The following UBASH3B variants were observed in gnomAD, a reference collection of about 807,000 sequenced individuals.
UBASH3B encodes the protein ubiquitin-associated and SH3 domain-containing protein B.
In UBASH3B, 37 loss-of-function variants were observed where a neutral mutation model predicts 83.4. The ratio of observed to expected loss-of-function variants is 0.44; its 90% confidence interval spans 0.34 to 0.58. The LOEUF (loss-of-function observed/expected upper bound fraction) is 0.58. Ranked by LOEUF, UBASH3B falls within the 20% of genes least tolerant of loss-of-function variation. The probability of loss-of-function intolerance (pLI) is 0.01; values close to 1 mark genes in which losing one functional copy is unlikely to be tolerated. For synonymous variants in UBASH3B, 304 were observed against 318.3 expected (o/e 0.96, Z 0.48); for missense variants, 657 against 827.2 (o/e 0.79, Z 2.52).
intron 1 of UBASH3B, among the ~76,000 whole-genome samples, chr11:122,676,490 G>A (rs1392525837): frequency 2.6e-5 from 4 of 152,006 alleles, no homozygotes; most frequent in African/African-American, 4.8e-5. Context: ...GCAGTGAGCC[G>A]AGATTGCGCC....
At chr11:122,744,873 C>CTGTGTGTGTGTGTGTGTGTG (rs544992534) in intron 1 of UBASH3B, among the ~76,000 whole-genome samples, 4,503 of 139,104 alleles carry the variant, frequency 0.032, 73 homozygotes, top group East Asian at 0.06. Context: ...ATGTGTGACT[C>CTGTGTGTGTGTGTGTGTGTG]TGTGTGTGTG....
intron 6 of UBASH3B, among the ~76,000 whole-genome samples, chr11:122,794,394 A>T (rs527394143): frequency 7.0e-4 from 106 of 152,100 alleles, no homozygotes; most frequent in African/African-American, 2.4e-3. Flanking sequence ...TTTAGTAGAG[A>T]TGGGATTTCG....
chr11:122,678,346 C>T (rs554209213), intron 1 of UBASH3B, among the ~76,000 whole-genome samples: 1 of 152,274 alleles, frequency 6.6e-6, no homozygotes, highest in South Asian at 2.1e-4. Flanking sequence ...ACAATGGGGA[C>T]CATCCTCTCT....
intron 2 of UBASH3B, among the ~76,000 whole-genome samples, 158 bp downstream of exon 2, chr11:122,776,430 C>T (rs1186237119): frequency 6.6e-6 from 1 of 152,194 alleles, no homozygotes; most frequent in Non-Finnish European, 1.5e-5. Flanking sequence ...ATTGCCTCCT[C>T]TGCCCTGGCC....
intron 1 of UBASH3B, among the ~76,000 whole-genome samples, chr11:122,684,751 C>T (rs1384325224): frequency 6.6e-6 from 1 of 152,148 alleles, no homozygotes; most frequent in Non-Finnish European, 1.5e-5. Context: ...GCATGCACCA[C>T]CACGCCCAGC....
intron 1 of UBASH3B, among the ~76,000 whole-genome samples, chr11:122,710,047 T>C (rs1430072815): frequency 3.3e-5 from 5 of 151,272 alleles, no homozygotes; most frequent in African/African-American, 4.9e-5. Flanking sequence ...TCCTAGCTAC[T>C]TGGGAGGCTG....
At chr11:122,769,397 C>G (rs1330985500) in intron 1 of UBASH3B, among the ~76,000 whole-genome samples, 1 of 152,206 alleles carries the variant, frequency 6.6e-6, no homozygotes, top group African/African-American at 2.4e-5. Context: ...CAACATGAGA[C>G]TTGGTGGGGT....
chr11:122,728,774 A>G (rs530088170), intron 1 of UBASH3B, among the ~76,000 whole-genome samples: 51 of 152,358 alleles, frequency 3.3e-4, no homozygotes, highest in African/African-American at 1.2e-3. Context: ...TTATCATCTA[A>G]GAAGAGAGAC....
intron 9 of UBASH3B, among the ~76,000 whole-genome samples, chr11:122,798,521 G>A (rs1032104499): frequency 1.3e-5 from 2 of 151,778 alleles, no homozygotes; most frequent in African/African-American, 4.8e-5. Flanking sequence ...GACCATTCTG[G>A]CCAACATGTT....
chr11:122,791,622 C>T (rs759619925), intron 6 of UBASH3B, among the ~76,000 whole-genome samples: 5 of 152,140 alleles, frequency 3.3e-5, no homozygotes, highest in Admixed American at 6.5e-5. Context: ...GAGGCAGAGC[C>T]CAGCTTCCTT....
At chr11:122,695,751 CAG>C (rs1186566170) in intron 1 of UBASH3B, among the ~76,000 whole-genome samples, 4 of 152,152 alleles carry the variant, frequency 2.6e-5, no homozygotes, top group Admixed American at 6.5e-5. Context: ...TCAGGAAAGA[CAG>C]AGAAAAGAAC....
intron 1 of UBASH3B, among the ~76,000 whole-genome samples, chr11:122,766,100 A>C (rs1453258583): frequency 6.6e-6 from 1 of 152,142 alleles, no homozygotes; most frequent in African/African-American, 2.4e-5. Flanking sequence ...GTGGATACCC[A>C]GGGTCCTTCT....
chr11:122,777,249 C>T, intron 3 of UBASH3B, 39 bp downstream of exon 3: 1 of 1,575,840 alleles, frequency 6.3e-7, no homozygotes, highest in Non-Finnish European at 8.6e-7. Context: ...AGCCTGGCTC[C>T]TAGGATCCCA....
In UBASH3B at chr11:122,806,940, G is replaced by A. The variant is rs2135192037; in HGVS notation, c.1702+424G>A. On this transcript the variant is annotated intron_variant, in intron 12 of 13. Coordinates refer to ENST00000284273, the MANE Select transcript of UBASH3B (RefSeq NM_032873.5). This position sits in a 1 kb window ranked among gnomAD's most constrained non-coding sequence, Gnocchi z 4.0. ...GCAGTGTTGTATAAGGCTCAAGTGT[G>A]TTTGCTATTGAATTTTCTAAACACT... 6.6e-6 allele frequency among the ~76,000 whole-genome samples: 1 copy of A among 152,200 alleles called. No homozygotes were observed. The highest frequency in any genetic ancestry group is 1.5e-5 in the Non-Finnish European group (1 of 68,012).
At chr11:122,686,365 C>T (rs753731023) in intron 1 of UBASH3B, among the ~76,000 whole-genome samples, 7 of 152,200 alleles carry the variant, frequency 4.6e-5, no homozygotes, top group Non-Finnish European at 8.8e-5. Context: ...AGACAGCAGA[C>T]TCAGGTACAA....
chr11:122,681,505 C>T (rs1262866260), intron 1 of UBASH3B, among the ~76,000 whole-genome samples: 2 of 152,118 alleles, frequency 1.3e-5, no homozygotes, highest in African/African-American at 4.8e-5. Flanking sequence ...TCTGAAATCA[C>T]GTGTGTAGTA....
chr11:122,780,290 G>A (rs1311213685), intron 4 of UBASH3B, among the ~76,000 whole-genome samples: 1 of 152,212 alleles, frequency 6.6e-6, no homozygotes, highest in Non-Finnish European at 1.5e-5. Flanking sequence ...TCTCATGGGA[G>A]CTCTTAGTTC....
Position 122,693,157 on chromosome 11 carries a change from C to A in UBASH3B, c.161+36947C>A, listed in dbSNP as rs189613250. Reference sequence around the variant, plus strand: ...CAAGGGTGGGGAGAACTACAAAGAACCTTCTTAAGGGTGGGGGCGATTACA... The same window carrying A: ...CAAGGGTGGGGAGAACTACAAAGAAACTTCTTAAGGGTGGGGGCGATTACA... On this transcript the variant is annotated intron_variant, in intron 1 of 13. Transcript: ENST00000284273. Among the ~76,000 whole-genome samples the A allele has an allele frequency of 1.3e-3, 191 of 152,190 alleles. 1 individual carries two copies. The highest frequency in any genetic ancestry group is 4.2e-3 in the African/African-American group (176 of 41,510).
Position 122,779,579 on chromosome 11 carries a change from T to C in UBASH3B, c.485T>C (p.Leu162Pro). 6.2e-7 allele frequency: 1 copy of C among 1,614,212 alleles called. No individual in the cohort carries two copies. Among genetic ancestry groups the C allele is most frequent in the Non-Finnish European group, 8.5e-7 (1 of 1,180,034 alleles). Residue 162 changes from leucine (L) to proline (P), a missense_variant, in exon 4 of 14, where the codon CTG becomes CCG. Transcript: ENST00000284273. ...SRWKCKFSAP[L>P]PLELYTSSNF... is the part of the protein sequence containing the mutation. ...TGGAAATGTAAGTTCTCGGCCCCGC[T>C]GCCCCTGGAGCTCTATACGTCGTCC...
Sources: allele counts gnomAD v4.1 joint callset (sites outside exome capture counted in the v4.1 genomes callset), GRCh38; gene constraint gnomAD v4.1.1; non-coding constraint Gnocchi (gnomAD v3.1); transcripts MANE v1.5; gene names NCBI Gene and HGNC (gene_info 2026-07-23, HGNC 2026-07-21).